The following TNNI3K variants were observed in gnomAD, a reference collection of about 807,000 sequenced individuals.
TNNI3K encodes TNNI3 interacting kinase.
Under a neutral mutation model 114.5 loss-of-function variants are expected in TNNI3K, and 140 were observed. That is an observed-to-expected ratio of 1.22 (90% confidence interval 1.07 to 1.41). The LOEUF (loss-of-function observed/expected upper bound fraction) is 1.41, where lower values mean the gene tolerates loss of function less well. Among genes scored for constraint, TNNI3K ranks in the 40% most tolerant of loss-of-function variants. The pLI is 0.00. For missense variants in TNNI3K, 1,125 were observed against 1,007.6 expected, an observed-to-expected ratio of 1.12 and a Z score of -1.58; for synonymous variants, 347 against 347.5, an observed-to-expected ratio of 1.00 and a Z score of 0.02.
At chr1:74,432,433 G>A (rs477159) in intron 17 of TNNI3K, among the ~76,000 whole-genome samples, 135,831 of 152,082 alleles carry the variant, frequency 0.89, 60,664 homozygotes, top group East Asian at 0.97. Context: ...GAGAATTCCC[G>A]TCACCCTTCT....
In TNNI3K at chr1:74,252,736, TG is replaced by T. The variant is rs1250241062; in HGVS notation, c.333+1970del. Among the ~76,000 whole-genome samples the T allele has an allele frequency of 3.9e-5, 6 of 151,932 alleles. No individual in the cohort carries two copies. The South Asian group carries it at 1.2e-3, about 32-fold the overall frequency. The stretch of plus-strand genomic sequence containing the variant: ...GTCTGGAGTTGTTCATTCCTCCCCG[TG>T]GGTTCGTGGTCTCGCTGGCTTCAGG... On this transcript the variant is annotated intron_variant, in intron 4 of 24. Transcript: ENST00000326637.
chr1:74,484,049 G>A (rs1180187137), intron 21 of TNNI3K, among the ~76,000 whole-genome samples: 1 of 151,728 alleles, frequency 6.6e-6, no homozygotes. Context: ...AATGTCTACA[G>A]TACAGAGTAT....
chr1:74,466,903 A>T (rs1667702741), intron 21 of TNNI3K, among the ~76,000 whole-genome samples: 2 of 152,226 alleles, frequency 1.3e-5, no homozygotes, highest in African/African-American at 4.8e-5. Context: ...GGAGTTTAAG[A>T]CCTGCTAGTT....
chr1:74,253,853 C>T (rs1000248069), intron 4 of TNNI3K, among the ~76,000 whole-genome samples: 3 of 152,160 alleles, frequency 2.0e-5, no homozygotes, highest in Admixed American at 6.5e-5. Context: ...GCGCCAAGGC[C>T]GAGAAGGCAC....
In TNNI3K at chr1:74,439,648, T is replaced by C. The variant is rs747573026; in HGVS notation, c.2011+26T>C. ...GTAAGACACACTGCAATTGAAGTTT[T>C]CCTGTTTTACAGAGTTCACTGGATT... On this transcript the variant is annotated intron_variant, in intron 20 of 24. Coordinates refer to ENST00000326637, the MANE Select transcript of TNNI3K (RefSeq NM_015978.3). The C allele has an allele frequency of 1.1e-5, 17 of 1,611,506 alleles. No individual in the cohort carries two copies. In the African/African-American group the frequency reaches 1.9e-4, roughly 18 times the overall value.
At chr1:74,372,494 T>C (rs1662667484) in intron 17 of TNNI3K, 1 of 151,942 alleles carries the variant, frequency 6.6e-6, no homozygotes, top group Non-Finnish European at 1.5e-5. Flanking sequence ...AGTTTTCACA[T>C]AAAAGTCATT....
chr1:74,391,408 T>C (rs72966927), intron 17 of TNNI3K, among the ~76,000 whole-genome samples: 2,449 of 150,192 alleles, frequency 0.016, 66 homozygotes, highest in African/African-American at 0.059. Context: ...TTGGTGGGTT[T>C]TGTTTGTTTG....
At chr1:74,449,796 A>T (rs1275565114) in intron 20 of TNNI3K, among the ~76,000 whole-genome samples, 3 of 151,174 alleles carry the variant, frequency 2.0e-5, no homozygotes, top group Non-Finnish European at 4.4e-5. Flanking sequence ...ACTCCCACAC[A>T]TTAATAATGG....
chr1:74,382,547 A>G (rs1663255617), intron 17 of TNNI3K, among the ~76,000 whole-genome samples: 2 of 152,170 alleles, frequency 1.3e-5, no homozygotes. Flanking sequence ...TGTTGTTACT[A>G]AATGATGTGG....
At chr1:74,336,318 C>T (rs545994265) in intron 7 of TNNI3K, among the ~76,000 whole-genome samples, 169 bp downstream of exon 7, 10 of 152,120 alleles carry the variant, frequency 6.6e-5, no homozygotes, top group South Asian at 4.2e-4. Flanking sequence ...GGCCTACATG[C>T]GAATCCTTCT....
At chr1:74,448,260 T>TTAA (rs1236505645) in intron 20 of TNNI3K, among the ~76,000 whole-genome samples, 14 of 89,138 alleles carry the variant, frequency 1.6e-4, no homozygotes, top group African/African-American at 5.7e-4. Context: ...TAGAGTATAA[T>TTAA]AAAAAAAAAA....
chr1:74,422,184 A>G (rs748114337), intron 17 of TNNI3K, among the ~76,000 whole-genome samples: 11 of 151,780 alleles, frequency 7.2e-5, no homozygotes, highest in Non-Finnish European at 1.6e-4. Context: ...TGTTCTCACT[A>G]TTTAAGAGTG....
chr1:74,407,456 T>A (rs1435596003), intron 17 of TNNI3K, among the ~76,000 whole-genome samples: 7 of 144,290 alleles, frequency 4.9e-5, no homozygotes, highest in African/African-American at 1.5e-4. Flanking sequence ...TATACAAACG[T>A]TTTTTTATTC....
At chr1:74,460,279 G>A (rs901463472) in intron 20 of TNNI3K, among the ~76,000 whole-genome samples, 4 of 152,044 alleles carry the variant, frequency 2.6e-5, no homozygotes, top group Non-Finnish European at 5.9e-5. Flanking sequence ...GTGTTAGCCA[G>A]GATGGTCTCA....
intron 21 of TNNI3K, 139 bp downstream of exon 21, chr1:74,463,689 C>A: frequency 1.2e-6 from 1 of 857,314 alleles, no homozygotes; most frequent in South Asian, 1.7e-5. Context: ...GCTCTTTAGT[C>A]TCTAATTGCC....
At chr1:74,488,546 G>T (rs1476439511) in intron 21 of TNNI3K, among the ~76,000 whole-genome samples, 2 of 152,236 alleles carry the variant, frequency 1.3e-5, no homozygotes, top group East Asian at 1.9e-4. Context: ...AAAATTCCAA[G>T]AATTTTTCCA....
rs143699578 is a variant in TNNI3K at position 74,509,231 on chromosome 1, C to T, written c.2351+16965C>T. On this transcript the variant is annotated intron_variant, in intron 23 of 24. Coordinates refer to ENST00000326637, the MANE Select transcript of TNNI3K (RefSeq NM_015978.3). ...TCAAATTTGACAGTGTTGACCATTC[C>T]TCAGTCAAGTTGCCATTTGGAATAA... Among the ~76,000 whole-genome samples the T allele has an allele frequency of 3.4e-4, 51 of 152,216 alleles. No homozygotes were observed. The East Asian group carries it at 7.9e-3, about 24-fold the overall frequency.
At position 74,353,274 on chromosome 1, in the gene TNNI3K, C is replaced by T. The variant is rs970959631; in HGVS notation, c.941C>T (p.Thr314Ile). The change falls in exon 10 of 25, where the codon ACC (threonine) becomes ATC (isoleucine). Residue 314 changes from threonine to isoleucine, a missense_variant. By Grantham distance (89) the Thr-to-Ile change is moderately conservative. Coordinates refer to ENST00000326637, the MANE Select transcript of TNNI3K (RefSeq NM_015978.3). ...FSETAFHSAC[T>I]YGKSIDLVKF... The stretch of plus-strand genomic sequence containing the variant: ...ATGGTTTTTTTTTTCAGTGCTTGTA[C>T]CTATGGCAAGAGCATTGACCTAGTC... The T allele has an allele frequency of 6.2e-7, 1 of 1,612,638 alleles. No homozygotes were observed. Among genetic ancestry groups the T allele is most frequent in the African/African-American group, 1.3e-5 (1 of 74,746 alleles).
At chr1:74,325,749 G>T (rs1659866105) in intron 5 of TNNI3K, among the ~76,000 whole-genome samples, 1 of 152,102 alleles carries the variant, frequency 6.6e-6, no homozygotes, top group Non-Finnish European at 1.5e-5. Flanking sequence ...ACGAAGTTTA[G>T]GAGGAAGGAC....
Sources: gnomAD v4.1 joint callset for allele counts (sites outside exome capture counted in the v4.1 genomes callset) on GRCh38, gnomAD v4.1.1 for gene constraint, MANE v1.5 for transcripts, NCBI Gene and HGNC (gene_info 2026-07-23, HGNC 2026-07-21) for gene names.